COX7B2: variants seen among roughly 807,000 people sequenced by gnomAD.
COX7B2 encodes the protein cytochrome c oxidase subunit 7B2, mitochondrial.
For synonymous variants in COX7B2, 37 were observed against 32.1 expected (o/e 1.15, Z -0.51); for missense variants, 109 against 95.9 (o/e 1.14, Z -0.57).
chr4:46,879,633 G>T (rs1285285041), intron 1 of COX7B2, among the ~76,000 whole-genome samples: 2 of 150,132 alleles, frequency 1.3e-5, no homozygotes, highest in African/African-American at 4.9e-5. Context: ...TTTTATAATT[G>T]CAAGTTTTTC....
intron 2 of COX7B2, among the ~76,000 whole-genome samples, chr4:46,785,903 A>T (rs1448183255): frequency 6.6e-6 from 1 of 152,214 alleles, no homozygotes; most frequent in Non-Finnish European, 1.5e-5. Flanking sequence ...ACAGAAAAAA[A>T]ATCCATCTTT....
At chr4:46,816,111 A>G (rs1282991898) in intron 2 of COX7B2, among the ~76,000 whole-genome samples, 1 of 152,206 alleles carries the variant, frequency 6.6e-6, no homozygotes, top group Non-Finnish European at 1.5e-5. Flanking sequence ...ACTGAGTACA[A>G]GACTGACATT....
intron 2 of COX7B2, among the ~76,000 whole-genome samples, chr4:46,739,108 T>C (rs1714547480): frequency 6.6e-6 from 1 of 152,100 alleles, no homozygotes; most frequent in South Asian, 2.1e-4. Flanking sequence ...GAAACTAACA[T>C]TTATTGAGTA....
chr4:46,818,578 A>T (rs1432374702), intron 2 of COX7B2, among the ~76,000 whole-genome samples: 1 of 151,912 alleles, frequency 6.6e-6, no homozygotes, highest in Non-Finnish European at 1.5e-5. Flanking sequence ...CGGAGTTTGC[A>T]GTGAGTGAAG....
intron 2 of COX7B2, among the ~76,000 whole-genome samples, chr4:46,743,631 T>C (rs947475215): frequency 2.6e-5 from 4 of 152,212 alleles, no homozygotes; most frequent in African/African-American, 9.6e-5. Context: ...ATCTAAGTTT[T>C]GAGAAGTATG....
chr4:46,773,359 C>T (rs1716984142), intron 2 of COX7B2, among the ~76,000 whole-genome samples: 1 of 152,018 alleles, frequency 6.6e-6, no homozygotes, highest in African/African-American at 2.4e-5. Flanking sequence ...AGGGGCTTTT[C>T]CCCCTTTGCA....
At chr4:46,749,346 T>C (rs932503465) in intron 2 of COX7B2, among the ~76,000 whole-genome samples, 1 of 152,158 alleles carries the variant, frequency 6.6e-6, no homozygotes, top group Non-Finnish European at 1.5e-5. Context: ...CCATCCTAAC[T>C]TAACTTCATT....
chr4:46,842,086 C>G (rs1276116314), intron 2 of COX7B2, among the ~76,000 whole-genome samples: 7 of 152,002 alleles, frequency 4.6e-5, no homozygotes, highest in Admixed American at 4.6e-4. Context: ...AAGAAGCCTT[C>G]AAGTTCACTA....
chr4:46,794,438 AG>A (rs1185731881), intron 2 of COX7B2, among the ~76,000 whole-genome samples: 1 of 152,170 alleles, frequency 6.6e-6, no homozygotes, highest in East Asian at 1.9e-4. Context: ...TCAAAGGCTT[AG>A]GAAGACGGAA....
intron 2 of COX7B2, among the ~76,000 whole-genome samples, chr4:46,758,267 G>T (rs919145819): frequency 1.4e-5 from 1 of 68,974 alleles, no homozygotes; most frequent in African/African-American, 4.7e-5. Flanking sequence ...TTTCTAATGA[G>T]GTATAGAGCT....
At chr4:46,786,713 C>G (rs1478185965) in intron 2 of COX7B2, among the ~76,000 whole-genome samples, 1 of 152,036 alleles carries the variant, frequency 6.6e-6, no homozygotes, top group Non-Finnish European at 1.5e-5. Context: ...TTATAAAAAG[C>G]CTAAAATCAC....
At chr4:46,779,421 A>T (rs1014463129) in intron 2 of COX7B2, among the ~76,000 whole-genome samples, 3 of 152,234 alleles carry the variant, frequency 2.0e-5, no homozygotes, top group African/African-American at 7.2e-5. Context: ...CCAGTCATCC[A>T]TTGATGGAAA....
chr4:46,855,052 G>T (rs1268576138), intron 1 of COX7B2, among the ~76,000 whole-genome samples: 1 of 152,132 alleles, frequency 6.6e-6, no homozygotes, highest in Non-Finnish European at 1.5e-5. Context: ...ATTAGGCCAG[G>T]TGCGGTGCCT....
intron 2 of COX7B2, among the ~76,000 whole-genome samples, chr4:46,782,293 T>C (rs866320741): frequency 1.8e-4 from 27 of 151,918 alleles, no homozygotes; most frequent in Middle Eastern, 6.8e-3. Flanking sequence ...GGATTGTAAA[T>C]GCTAAAGGAT....
chr4:46,760,040 A>G (rs1020346101), intron 2 of COX7B2, among the ~76,000 whole-genome samples: 1 of 152,176 alleles, frequency 6.6e-6, no homozygotes, highest in South Asian at 2.1e-4. Flanking sequence ...CTCTTTCACC[A>G]GCCCTGGGAC....
intron 2 of COX7B2, among the ~76,000 whole-genome samples, chr4:46,832,352 C>T (rs559377441): frequency 1.3e-4 from 20 of 152,246 alleles, no homozygotes; most frequent in Admixed American, 2.0e-4. Context: ...AACTGTAACA[C>T]CCACCCCGAG....
intron 2 of COX7B2, among the ~76,000 whole-genome samples, chr4:46,835,506 G>A (rs752819344): frequency 3.3e-5 from 5 of 151,996 alleles, no homozygotes; most frequent in Non-Finnish European, 7.4e-5. Flanking sequence ...AGAGTCTGAC[G>A]GCTACATTTT....
intron 2 of COX7B2, among the ~76,000 whole-genome samples, chr4:46,760,690 C>G (rs1716096116): frequency 6.6e-6 from 1 of 151,954 alleles, no homozygotes. Flanking sequence ...ACATGTACCC[C>G]AGAACTTATA....
intron 2 of COX7B2, among the ~76,000 whole-genome samples, chr4:46,809,296 T>G (rs1237103647): frequency 6.6e-6 from 1 of 151,826 alleles, no homozygotes; most frequent in Non-Finnish European, 1.5e-5. Context: ...TTATTTCTAT[T>G]CTGATGTTTA....
Sources: gnomAD v4.1 joint callset for allele counts (sites outside exome capture counted in the v4.1 genomes callset) on GRCh38, gnomAD v4.1.1 for gene constraint, MANE v1.5 for transcripts, NCBI Gene and HGNC (gene_info 2026-07-23, HGNC 2026-07-21) for gene names.